CFAP20DC: variants seen among roughly 807,000 people sequenced by gnomAD.
The protein encoded by CFAP20DC is CFAP20 domain containing.
In CFAP20DC, 84 loss-of-function variants were observed where a neutral mutation model predicts 101.7. The ratio of observed to expected loss-of-function variants is 0.83; its 90% CI spans 0.69 to 0.99. CFAP20DC has a LOEUF of 0.99. Ranked by LOEUF, CFAP20DC falls within the 50% of genes least tolerant of loss-of-function variation. The pLI is 0.00. For missense variants in CFAP20DC, 1,007 were observed against 970.3 expected (o/e 1.04, Z -0.50); for synonymous variants, 359 against 351.2 (o/e 1.02, Z -0.25).
chr3:59,026,185 T>G (rs571539145), intron 4 of CFAP20DC, among the ~76,000 whole-genome samples: 1 of 152,286 alleles, frequency 6.6e-6, no homozygotes, highest in East Asian at 1.9e-4. Flanking sequence ...GTTTAAATAC[T>G]GATTTTTTTA....
chr3:58,804,408 G>A (rs2073916010), intron 15 of CFAP20DC, among the ~76,000 whole-genome samples: 1 of 151,218 alleles, frequency 6.6e-6, no homozygotes, highest in Non-Finnish European at 1.5e-5. Context: ...TGTCGCCCAG[G>A]CTGGAGTGCA....
At chr3:58,842,918 G>T (rs1435461928) in intron 13 of CFAP20DC, among the ~76,000 whole-genome samples, 4 of 152,262 alleles carry the variant, frequency 2.6e-5, no homozygotes, top group Admixed American at 1.3e-4. Context: ...CACCTCACAC[G>T]GCAGCGTATT....
intron 4 of CFAP20DC, among the ~76,000 whole-genome samples, chr3:58,959,952 A>G (rs918737305): frequency 6.6e-6 from 1 of 152,184 alleles, no homozygotes; most frequent in Non-Finnish European, 1.5e-5. Context: ...CAAATCTTGC[A>G]CTACCTTTGT....
intron 7 of CFAP20DC, among the ~76,000 whole-genome samples, chr3:58,878,176 A>T (rs1425843383): frequency 2.0e-5 from 3 of 152,234 alleles, no homozygotes; most frequent in African/African-American, 7.2e-5. Flanking sequence ...TAGGCAAATG[A>T]CTAAAGCAGG....
At chr3:58,808,163 T>G (rs562723952) in intron 14 of CFAP20DC, among the ~76,000 whole-genome samples, 104 of 152,238 alleles carry the variant, frequency 6.8e-4, no homozygotes, top group African/African-American at 2.3e-3. Flanking sequence ...CAGGAGAACT[T>G]CCCCAATCTA....
At position 58,795,929 on chromosome 3, in the gene CFAP20DC, GTC is replaced by G. The variant is rs1415794773; in HGVS notation, c.2237+10464_2237+10465del. Among the ~76,000 whole-genome samples, 1 of 152,214 alleles carries G rather than the reference GTC, an allele frequency of 6.6e-6. No individual in the cohort carries two copies. Among genetic ancestry groups the G allele is most frequent in the Non-Finnish European group, 1.5e-5 (1 of 68,038 alleles). On this transcript the variant is annotated intron_variant, in intron 15 of 16. Transcript: ENST00000482387. The surrounding 1 kb of genome is among the most constrained non-coding windows in gnomAD (Gnocchi z 4.2). Reference sequence around the variant, plus strand: ...AGACCTGGTCAGAGAGGAGGCAGGTGTCTCAACTAAGGAAACTGGAGGGTGGG... The same window carrying G: ...AGACCTGGTCAGAGAGGAGGCAGGTGTCAACTAAGGAAACTGGAGGGTGGG...
At chr3:58,801,307 T>G (rs2073683616) in intron 15 of CFAP20DC, among the ~76,000 whole-genome samples, 1 of 152,186 alleles carries the variant, frequency 6.6e-6, no homozygotes, top group Admixed American at 6.5e-5. Flanking sequence ...GCCTTTGGTT[T>G]CATAATCAAA....
At chr3:58,980,018 C>A (rs1272909970) in intron 4 of CFAP20DC, among the ~76,000 whole-genome samples, 2 of 152,186 alleles carry the variant, frequency 1.3e-5, no homozygotes, top group Non-Finnish European at 2.9e-5. Context: ...TTGCCTCGGA[C>A]ATCACTGAGG....
intron 4 of CFAP20DC, among the ~76,000 whole-genome samples, chr3:58,938,635 CATT>C (rs2088055232): frequency 2.0e-5 from 3 of 152,130 alleles, no homozygotes; most frequent in Admixed American, 6.5e-5. Context: ...TCAAACGCAT[CATT>C]GTCAATATTT....
intron 4 of CFAP20DC, among the ~76,000 whole-genome samples, chr3:58,938,691 ACAG>A (rs1213035942): frequency 2.6e-5 from 4 of 152,106 alleles, no homozygotes; most frequent in Non-Finnish European, 5.9e-5. Flanking sequence ...TGTCTTTTCT[ACAG>A]CACTTCCGTT....
chr3:58,982,468 A>G (rs2092593738), intron 4 of CFAP20DC, among the ~76,000 whole-genome samples: 1 of 152,072 alleles, frequency 6.6e-6, no homozygotes, highest in Admixed American at 6.6e-5. Context: ...AATGTCCAAC[A>G]ATGATAGACT....
intron 16 of CFAP20DC, among the ~76,000 whole-genome samples, chr3:58,744,833 T>C (rs553066104): frequency 4.6e-5 from 7 of 152,230 alleles, no homozygotes; most frequent in African/African-American, 1.4e-4. Flanking sequence ...AAACATGTAC[T>C]CTGGAAAGGG....
At chr3:58,758,215 C>A (rs1394967626) in intron 15 of CFAP20DC, among the ~76,000 whole-genome samples, 2 of 152,098 alleles carry the variant, frequency 1.3e-5, no homozygotes, top group African/African-American at 4.8e-5. Flanking sequence ...AATGTGCAGT[C>A]CAGCATCTGT....
chr3:59,030,397 C>T (rs1196909584), intron 4 of CFAP20DC, among the ~76,000 whole-genome samples: 1 of 152,184 alleles, frequency 6.6e-6, no homozygotes, highest in African/African-American at 2.4e-5. Context: ...TTTTGATTGT[C>T]TATCAGTAAC....
At chr3:58,821,336 C>G (rs1457648697) in intron 14 of CFAP20DC, among the ~76,000 whole-genome samples, 2 of 151,964 alleles carry the variant, frequency 1.3e-5, no homozygotes, top group East Asian at 3.9e-4. Context: ...GCAAAAGAAA[C>G]TACCATCAGA....
chr3:58,860,628 A>C (rs1324388423), intron 12 of CFAP20DC, among the ~76,000 whole-genome samples: 3 of 152,218 alleles, frequency 2.0e-5, no homozygotes, highest in Non-Finnish European at 4.4e-5. Context: ...TAGTATTTCT[A>C]GGTGAAAACT....
At chr3:58,857,068 A>G (rs1185901007) in intron 12 of CFAP20DC, among the ~76,000 whole-genome samples, 1 of 152,216 alleles carries the variant, frequency 6.6e-6, no homozygotes. Flanking sequence ...CAATTTCTAG[A>G]CACTATACAA....
chr3:58,954,005 G>C (rs1293813874), intron 4 of CFAP20DC, among the ~76,000 whole-genome samples: 2 of 152,320 alleles, frequency 1.3e-5, no homozygotes, highest in Admixed American at 1.3e-4. Flanking sequence ...TGGGGTAGTT[G>C]ACGGGAAAAT....
chr3:58,823,055 C>G (rs1194558477), intron 14 of CFAP20DC, among the ~76,000 whole-genome samples: 2 of 152,138 alleles, frequency 1.3e-5, no homozygotes, highest in Non-Finnish European at 2.9e-5. Context: ...TATTTCTCCA[C>G]CACTTTCCTC....
Sources: gnomAD v4.1 joint callset for allele counts (sites outside exome capture counted in the v4.1 genomes callset) on GRCh38, gnomAD v4.1.1 for gene constraint, Gnocchi (gnomAD v3.1) non-coding constraint, MANE v1.5 for transcripts, NCBI Gene and HGNC (gene_info 2026-07-23, HGNC 2026-07-21) for gene names.